CRYBG1: variants seen among roughly 807,000 people sequenced by gnomAD.
CRYBG1 encodes the protein beta/gamma crystallin domain-containing protein 1.
Under a neutral mutation model 189.2 loss-of-function variants are expected in CRYBG1, and 139 were observed. The ratio of observed to expected loss-of-function variants is 0.73; its 90% CI spans 0.64 to 0.85. The LOEUF is 0.85. CRYBG1 is among the 40% of genes least tolerant of loss of function. The pLI is 0.00. For synonymous variants in CRYBG1, 1,023 were observed against 1,017.1 expected, an observed-to-expected ratio of 1.01 and a Z score of -0.11; for missense variants, 2,611 against 2,675.8, an observed-to-expected ratio of 0.98 and a Z score of 0.53.
chr6:106,429,658 C>G (rs1381531736), intron 1 of CRYBG1, among the ~76,000 whole-genome samples: 1 of 152,198 alleles, frequency 6.6e-6, no homozygotes, highest in African/African-American at 2.4e-5. Context: ...TTTCAGATCA[C>G]GCCGGACAGG....
In CRYBG1 at chr6:106,446,450, A is replaced by G. The variant is rs939501825; in HGVS notation, c.174-5244A>G. ...ACTCTGAGGCTCAGTTGAACACAGT[A>G]ATAATTCTTTGGATAGACAATAGAT... On this transcript the variant is annotated intron_variant, in intron 1 of 21. Coordinates refer to ENST00000633556, the MANE Select transcript of CRYBG1 (RefSeq NM_001371242.2). 2.0e-5 allele frequency among the ~76,000 whole-genome samples: 3 copies of G among 152,236 alleles called. No individual in the cohort carries two copies. The East Asian group carries it at 5.8e-4, about 29-fold the overall frequency.
At chr6:106,362,463 A>C (rs1405039371) in intron 1 of CRYBG1, among the ~76,000 whole-genome samples, 1 of 152,152 alleles carries the variant, frequency 6.6e-6, no homozygotes, top group Non-Finnish European at 1.5e-5. Flanking sequence ...ACAGGAGGGG[A>C]TCAGGGAGGC....
intron 1 of CRYBG1, among the ~76,000 whole-genome samples, chr6:106,403,634 T>A (rs2114358868): frequency 6.6e-6 from 1 of 152,348 alleles, no homozygotes; most frequent in Non-Finnish European, 1.5e-5. Context: ...CACACGCACT[T>A]GAAATACTTT....
chr6:106,462,100 C>G (rs1228307405), intron 2 of CRYBG1, among the ~76,000 whole-genome samples: 1 of 152,122 alleles, frequency 6.6e-6, no homozygotes, highest in African/African-American at 2.4e-5. Context: ...TGGCAACTGT[C>G]TATTAAGATA....
At chr6:106,396,052 T>A (rs1374579468) in intron 1 of CRYBG1, among the ~76,000 whole-genome samples, 1 of 152,200 alleles carries the variant, frequency 6.6e-6, no homozygotes, top group Non-Finnish European at 1.5e-5. Flanking sequence ...CTCTGATCCC[T>A]TCATAGGCAT....
chr6:106,490,713 G>A (rs1772702589), intron 2 of CRYBG1, among the ~76,000 whole-genome samples: 1 of 152,148 alleles, frequency 6.6e-6, no homozygotes. Context: ...GTCAGGAGCA[G>A]GAATACAGAT....
chr6:106,415,323 G>A (rs1325725829), intron 1 of CRYBG1, among the ~76,000 whole-genome samples: 5 of 152,218 alleles, frequency 3.3e-5, no homozygotes, highest in Non-Finnish European at 7.3e-5. Context: ...TAATAAGTCT[G>A]TTTATATAAA....
intron 8 of CRYBG1, among the ~76,000 whole-genome samples, chr6:106,532,060 T>TA (rs1773885364): frequency 6.6e-6 from 1 of 152,180 alleles, no homozygotes; most frequent in Non-Finnish European, 1.5e-5. Context: ...TGCACATATT[T>TA]ATGGGGTACA....
chr6:106,441,442 A>G lies in CRYBG1; in HGVS notation c.174-10252A>G, dbSNP rs1305836298. Among the ~76,000 whole-genome samples the G allele has an allele frequency of 2.6e-5, 4 of 152,202 alleles. No homozygotes were observed. In the South Asian group the frequency reaches 6.2e-4, roughly 24 times the overall value. On this transcript the variant is annotated intron_variant, in intron 1 of 21. Coordinates refer to ENST00000633556, the MANE Select transcript of CRYBG1 (RefSeq NM_001371242.2). ...GAGCTGAGGTGATAAATATCAGTCC[A>G]TCTCAGATTCAGCTTCACAGCCATT...
chr6:106,432,698 C>T (rs1332817380), intron 1 of CRYBG1, among the ~76,000 whole-genome samples: 1 of 152,252 alleles, frequency 6.6e-6, no homozygotes, highest in Non-Finnish European at 1.5e-5. Flanking sequence ...GTGCCCACCA[C>T]GTGCACCTCC....
chr6:106,417,350 G>C (rs934061038), intron 1 of CRYBG1, among the ~76,000 whole-genome samples: 2 of 152,118 alleles, frequency 1.3e-5, no homozygotes, highest in African/African-American at 4.8e-5. Flanking sequence ...TTGTGCAAAT[G>C]ACCTGAGGCA....
At position 106,525,227 on chromosome 6, in the gene CRYBG1, A is replaced by G. The variant is rs377392162; in HGVS notation, c.4294-41A>G. On this transcript the variant is annotated intron_variant, in intron 5 of 21. Coordinates refer to ENST00000633556, the MANE Select transcript of CRYBG1 (RefSeq NM_001371242.2). ...AGTCTTGATTCTATTTTGGTCTGAC[A>G]GAGTACAACAAAGTGTGCTACCACT... The G allele has an allele frequency of 9.7e-5, 157 of 1,613,708 alleles. No individual in the cohort carries two copies. In the African/African-American group the frequency reaches 2.0e-3, roughly 20 times the overall value.
At chr6:106,475,828 C>G (rs1342762485) in intron 2 of CRYBG1, among the ~76,000 whole-genome samples, 1 of 152,262 alleles carries the variant, frequency 6.6e-6, no homozygotes, top group East Asian at 1.9e-4. Context: ...GATTCCTGAG[C>G]TCATGGACCA....
intron 2 of CRYBG1, among the ~76,000 whole-genome samples, chr6:106,469,771 A>T (rs1007596185): frequency 6.6e-6 from 1 of 151,730 alleles, no homozygotes; most frequent in Non-Finnish European, 1.5e-5. Flanking sequence ...GCATTAAAAG[A>T]AAAAAAAAGA....
At chr6:106,389,372 T>C (rs1239366104) in intron 1 of CRYBG1, among the ~76,000 whole-genome samples, 2 of 152,122 alleles carry the variant, frequency 1.3e-5, no homozygotes, top group Non-Finnish European at 2.9e-5. Context: ...TTGGCTCGAG[T>C]TGGACAACAT....
chr6:106,375,055 G>T (rs1770126085), intron 1 of CRYBG1, among the ~76,000 whole-genome samples: 1 of 152,118 alleles, frequency 6.6e-6, no homozygotes, highest in African/African-American at 2.4e-5. Context: ...AGTTTCTAAA[G>T]ATAATGATGC....
chr6:106,362,610 G>C (rs1010867975), intron 1 of CRYBG1, among the ~76,000 whole-genome samples: 1 of 152,126 alleles, frequency 6.6e-6, no homozygotes, highest in African/African-American at 2.4e-5. Flanking sequence ...TGGTTGCAGC[G>C]GGGAGGTCTA....
At chr6:106,535,109 T>C (rs1773970111) in intron 8 of CRYBG1, among the ~76,000 whole-genome samples, 1 of 152,190 alleles carries the variant, frequency 6.6e-6, no homozygotes, top group Admixed American at 6.5e-5. Flanking sequence ...ATGTGAACTA[T>C]GAAGCCCAAT....
rs748979491 is a variant in CRYBG1 at position 106,527,338 on chromosome 6, G to GCACTCCAT, written c.4448_4455dup (p.Pro1486ThrfsTer5). 3 of 1,611,674 alleles carry GCACTCCAT rather than the reference G, an allele frequency of 1.9e-6. No homozygotes were observed. In the South Asian group the frequency reaches 3.3e-5, roughly 18 times the overall value. On this transcript the variant is annotated frameshift_variant, in exon 7 of 22. Coordinates refer to ENST00000633556, the MANE Select transcript of CRYBG1 (RefSeq NM_001371242.2). LOFTEE classifies it high-confidence loss of function. ...TGTATGAGCAACCAAATTTTGAAGG[G>GCACTCCAT]CACTCCATCCCCTTAGAAGAAGGAG...
Sources: allele counts gnomAD v4.1 joint callset (sites outside exome capture counted in the v4.1 genomes callset), GRCh38; gene constraint gnomAD v4.1.1; transcripts MANE v1.5; gene names NCBI Gene and HGNC (gene_info 2026-07-23, HGNC 2026-07-21).